Variants in CHD7 observed in about 807,000 individuals in gnomAD.
CHD7 encodes ATP-dependent chromatin remodeler CHD7.
Under a neutral mutation model 307.3 loss-of-function variants are expected in CHD7, and 24 were observed. That is an observed-to-expected ratio of 0.08 (90% CI 0.06 to 0.11). The LOEUF (loss-of-function observed/expected upper bound fraction) is 0.11. Among genes scored for constraint, CHD7 ranks in the 10% least tolerant of loss-of-function variants. The pLI is 1.00. For synonymous variants in CHD7, 1,363 were observed against 1,349.9 expected (o/e 1.01, Z -0.21); for missense variants, 3,106 against 3,727.1 (o/e 0.83, Z 4.34).
In CHD7 at chr8:60,852,194, A is replaced by C; in HGVS notation, c.5841A>C (p.Glu1947Asp). The C allele has an allele frequency of 6.2e-7, 1 of 1,613,850 alleles. No homozygotes were observed. Among genetic ancestry groups the C allele is most frequent in the Non-Finnish European group, 8.5e-7 (1 of 1,179,850 alleles). ...GGCGCAGACGGCGGCCTCGAGAGGA[A>C]GTGAGAGCTCTGGAAGCGGAAAGGG... ...TDRRRRRPRE[E>D]VRALEAEREA... Residue 1947 changes from glutamate to aspartate, a missense_variant, in exon 29 of 38, where the codon GAA (glutamate) becomes GAC (aspartate). Physicochemically the swap from Glu to Asp is conservative, Grantham distance 45 (BLOSUM62 2). Around this residue, in one of 10 missense-constraint regions of CHD7, gnomAD observed 1,030 missense variants for 1,165.4 expected, o/e 0.88. Coordinates refer to ENST00000423902, the MANE Select transcript of CHD7 (RefSeq NM_017780.4).
At chr8:60,805,450 T>C (rs1812492772) in intron 6 of CHD7, among the ~76,000 whole-genome samples, 1 of 152,182 alleles carries the variant, frequency 6.6e-6, no homozygotes, top group Non-Finnish European at 1.5e-5. Flanking sequence ...CAGGTGCTGC[T>C]AAATGAAGTT....
Position 60,856,779 on chromosome 8 carries a change from G to A in CHD7, c.7499G>A (p.Gly2500Asp), listed in dbSNP as rs1435775458. Residue 2500 changes from glycine (G) to aspartate (D), a missense_variant, in exon 34 of 38, where the codon GGC becomes GAC. This residue lies in a region of CHD7 where 1,030 missense variants were observed against 1,165.4 expected (regional missense o/e 0.88). Coordinates refer to ENST00000423902, the MANE Select transcript of CHD7 (RefSeq NM_017780.4). ...SRTPTRHLLN[G>D]SLVDGEPPMK... is the part of the protein sequence containing the mutation. ...ACACCCACAAGGCATCTCCTTAATGGCTCCCTAGTGGATGGAGAGCCTCCC... is the reference window on the plus strand; with the variant it reads ...ACACCCACAAGGCATCTCCTTAATGACTCCCTAGTGGATGGAGAGCCTCCC... The A allele has an allele frequency of 1.2e-6, 2 of 1,613,180 alleles. No homozygotes were observed. The highest frequency in any genetic ancestry group is 2.7e-5 in the African/African-American group (2 of 74,896).
intron 1 of CHD7, among the ~76,000 whole-genome samples, chr8:60,682,662 G>T (rs1805689428): frequency 6.6e-6 from 1 of 152,208 alleles, no homozygotes; most frequent in Admixed American, 6.5e-5. Flanking sequence ...CCTTTAGGGA[G>T]TGTACCATCT....
In CHD7 at chr8:60,794,993, A is replaced by C; in HGVS notation, c.2104A>C (p.Lys702Gln). 1.2e-6 allele frequency: 2 copies of C among 1,613,056 alleles called. No individual in the cohort carries two copies. Among genetic ancestry groups the C allele is most frequent in the East Asian group, 2.2e-5 (1 of 44,868 alleles). Reference protein sequence around the residue: ...PKSSKKSSNKKPDSEASALKK... With the variant: ...PKSSKKSSNKQPDSEASALKK... ...ATCCACTTTGAATTCTAGTAATAAGAAACCTGACTCAGAAGCAAGTGCTTT... is the reference window on the plus strand; with the variant it reads ...ATCCACTTTGAATTCTAGTAATAAGCAACCTGACTCAGAAGCAAGTGCTTT... Residue 702 changes from lysine to glutamine, a missense_variant, in exon 4 of 38, where the codon AAA becomes CAA. Coordinates refer to ENST00000423902, the MANE Select transcript of CHD7 (RefSeq NM_017780.4).
chr8:60,763,821 C>T (rs1484242960), intron 2 of CHD7, among the ~76,000 whole-genome samples: 1 of 152,132 alleles, frequency 6.6e-6, no homozygotes, highest in Non-Finnish European at 1.5e-5. Flanking sequence ...CATCCTTTCT[C>T]TGGCTTGAGG....
intron 7 of CHD7, among the ~76,000 whole-genome samples, chr8:60,813,600 A>G (rs928402025): frequency 6.6e-6 from 1 of 152,144 alleles, no homozygotes; most frequent in Non-Finnish European, 1.5e-5. Context: ...TAAAAAATCC[A>G]TTATGGGTGT....
chr8:60,786,979 G>A (rs1720571495), intron 3 of CHD7, among the ~76,000 whole-genome samples: 1 of 152,096 alleles, frequency 6.6e-6, no homozygotes, highest in Admixed American at 6.5e-5. Context: ...AAGTCTATGT[G>A]ACTTAGCATT....
intron 21 of CHD7, among the ~76,000 whole-genome samples, chr8:60,843,463 C>T (rs1805062952): frequency 6.6e-6 from 1 of 152,218 alleles, no homozygotes; most frequent in South Asian, 2.1e-4. Flanking sequence ...CAGTCGAGCC[C>T]TTCCCTCTTC....
chr8:60,794,722 G>C (rs1389466785), intron 3 of CHD7, among the ~76,000 whole-genome samples: 4 of 152,112 alleles, frequency 2.6e-5, no homozygotes, highest in African/African-American at 9.7e-5. Context: ...TGATATACTG[G>C]CAGGCATTTT....
chr8:60,801,141 A>G (rs1368511323), intron 5 of CHD7, among the ~76,000 whole-genome samples: 1 of 152,172 alleles, frequency 6.6e-6, no homozygotes. Flanking sequence ...TGTGACCTCC[A>G]TAGATAAAAG....
At chr8:60,814,611 T>C (rs1803643314) in intron 7 of CHD7, among the ~76,000 whole-genome samples, 1 of 152,152 alleles carries the variant, frequency 6.6e-6, no homozygotes, top group South Asian at 2.1e-4. Context: ...ACGGCCTAGC[T>C]GATTTTTGTA....
intron 1 of CHD7, among the ~76,000 whole-genome samples, chr8:60,690,997 TC>T (rs1258065364): frequency 6.6e-6 from 1 of 152,192 alleles, no homozygotes; most frequent in Non-Finnish European, 1.5e-5. Flanking sequence ...TGATCTCGGC[TC>T]ACTGCCCACC....
intron 2 of CHD7, among the ~76,000 whole-genome samples, chr8:60,745,562 T>C (rs1298612847): frequency 6.6e-6 from 1 of 152,212 alleles, no homozygotes; most frequent in African/African-American, 2.4e-5. Flanking sequence ...TTTACAGGGA[T>C]GTAAACTAGG....
rs1805405513 is a variant in CHD7, at chr8:60,850,489, A to G, written c.5405-4A>G. 1 of 1,605,476 alleles carries G rather than the reference A, an allele frequency of 6.2e-7. No individual in the cohort carries two copies. Among genetic ancestry groups the G allele is most frequent in the Non-Finnish European group, 8.5e-7 (1 of 1,172,818 alleles). On this transcript the variant is annotated splice_polypyrimidine_tract_variant and splice_region_variant and intron_variant, in intron 25 of 37. Transcript: ENST00000423902. ...TTTTCTGTGCACGGATGGGCACGGC[A>G]CAGGCTATGAGAAGTACAACTCCAT... is the stretch of plus-strand genomic sequence containing the variant.
chr8:60,837,491 C>T (rs983458672), intron 17 of CHD7, among the ~76,000 whole-genome samples, 177 bp from the exon 18 acceptor site: 1 of 152,170 alleles, frequency 6.6e-6, no homozygotes, highest in African/African-American at 2.4e-5. Context: ...TCTCTCGCCT[C>T]TTTATATGAG....
intron 19 of CHD7, among the ~76,000 whole-genome samples, chr8:60,840,353 A>G (rs905173078): frequency 6.6e-6 from 1 of 152,052 alleles, no homozygotes; most frequent in African/African-American, 2.4e-5. Context: ...AGCCAAACTT[A>G]TCACCCCTGT....
intron 6 of CHD7, 90 bp downstream of exon 6, chr8:60,801,683 A>G (rs1812323909): frequency 2.4e-6 from 2 of 845,084 alleles, no homozygotes; most frequent in Non-Finnish European, 3.8e-6. Flanking sequence ...AAATTCTAAT[A>G]TTATAAAATA....
intron 1 of CHD7, among the ~76,000 whole-genome samples, chr8:60,736,865 G>C (rs113391790): frequency 6.6e-6 from 1 of 152,120 alleles, no homozygotes; most frequent in Non-Finnish European, 1.5e-5. Flanking sequence ...CACCTGTGAC[G>C]CTAAAAGGTT....
At chr8:60,832,041 A>G (rs1367008502) in intron 15 of CHD7, among the ~76,000 whole-genome samples, 1 of 151,450 alleles carries the variant, frequency 6.6e-6, no homozygotes, top group Non-Finnish European at 1.5e-5. Flanking sequence ...TTTTTTCTTG[A>G]GATAGGTTCT....
Sources: allele counts gnomAD v4.1 joint callset (sites outside exome capture counted in the v4.1 genomes callset), GRCh38; gene constraint gnomAD v4.1.1; regional missense constraint gnomAD v4.1.1; transcripts MANE v1.5; gene names NCBI Gene and HGNC (gene_info 2026-07-23, HGNC 2026-07-21).